Variants in TMOD2 observed in about 807,000 individuals in gnomAD.
TMOD2 encodes tropomodulin 2, also known as tropomodulin-2.
In TMOD2, 22 loss-of-function variants were observed where a neutral mutation model predicts 39.9. The observed-to-expected ratio is 0.55, with a 90% CI of 0.39 to 0.79. The LOEUF (loss-of-function observed/expected upper bound fraction) is 0.79. Ranked by LOEUF, TMOD2 falls within the 30% of genes least tolerant of loss-of-function variation. TMOD2 has a pLI of 0.00. For missense variants in TMOD2, 386 were observed against 413.3 expected (o/e 0.93, Z 0.57); for synonymous variants, 123 against 146.1 (o/e 0.84, Z 1.14).
chr15:51,769,907 C>G (rs1056062897), intron 3 of TMOD2, among the ~76,000 whole-genome samples: 1 of 151,922 alleles, frequency 6.6e-6, no homozygotes, highest in Non-Finnish European at 1.5e-5. Flanking sequence ...GATGGTGCAC[C>G]CGTGTTCCCA....
chr15:51,768,188 G>C (rs1244347059), intron 2 of TMOD2, 74 bp from the exon 3 acceptor site: 28 of 1,542,842 alleles, frequency 1.8e-5, no homozygotes, highest in Non-Finnish European at 2.3e-5. Context: ...CATAGTGAGT[G>C]GGGGTGGAAG....
chr15:51,795,569 GCTTGCTTGCTTTCTTTCTTTCTTTCTTT>G (rs869151859), intron 7 of TMOD2, among the ~76,000 whole-genome samples: 1,233 of 42,420 alleles, frequency 0.029, 43 homozygotes, highest in African/African-American at 0.11. Flanking sequence ...TCTTCTGCTT[GCTTGCTTGCTTTCTTTCTTTCTTTCTTT>G]CTTTCTTTCT....
intron 1 of TMOD2, among the ~76,000 whole-genome samples, chr15:51,757,230 C>T (rs1026912030): frequency 1.3e-5 from 2 of 151,890 alleles, no homozygotes; most frequent in Non-Finnish European, 2.9e-5. Context: ...GGTGAAACCC[C>T]GTCTCTACTA....
In TMOD2 at chr15:51,811,149, C is replaced by T. The variant is rs577834162; in HGVS notation, c.*2695C>T. ...ATATTGATGATAACCCTTAGAAAAA[C>T]ATACACTTGAGGAGCCTATCCATCA... On this transcript the variant is annotated 3_prime_UTR_variant, in exon 10 of 10. Coordinates refer to ENST00000249700, the MANE Select transcript of TMOD2 (RefSeq NM_014548.4). 5.3e-5 allele frequency: 8 copies of T among 152,202 alleles called. No individual in the cohort carries two copies. Among genetic ancestry groups the T allele is most frequent in the Admixed American group, 2.6e-4 (4 of 15,288 alleles). The allele number at this position is 152,202 out of a possible 1,614,324, so 9.4% of individuals were successfully genotyped here.
intron 1 of TMOD2, among the ~76,000 whole-genome samples, chr15:51,755,929 C>T (rs543154694): frequency 4.6e-5 from 7 of 151,892 alleles, no homozygotes; most frequent in Admixed American, 3.3e-4. Context: ...CGGTGCCAAT[C>T]AGGAAGTTAG....
At position 51,804,579 on chromosome 15, in the gene TMOD2, TG is replaced by T. The variant is rs1314329150; in HGVS notation, c.877-1797del. Among the ~76,000 whole-genome samples, 4 of 142,594 alleles carry T rather than the reference TG, an allele frequency of 2.8e-5. No homozygotes were observed. In the East Asian group the frequency reaches 5.9e-4, roughly 21 times the overall value. The allele number at this position is 142,594 out of a possible 152,430, so 93.5% of individuals were successfully genotyped here. On this transcript the variant is annotated intron_variant, in intron 8 of 9. Transcript: ENST00000249700. ...CGTTTTGTTTTGTTTTGTTTTGTTT[TG>T]TTTTTTTTTTTGAGATGGAGCCTAC...
chr15:51,764,294 G>A (rs530804196), intron 1 of TMOD2, among the ~76,000 whole-genome samples: 2 of 152,242 alleles, frequency 1.3e-5, no homozygotes, highest in South Asian at 4.2e-4. Flanking sequence ...TCCAGCCTGG[G>A]CAACAGAGGG....
chr15:51,773,320 TGGTTCCTC>T (rs1415422528), intron 3 of TMOD2, among the ~76,000 whole-genome samples: 4 of 152,208 alleles, frequency 2.6e-5, no homozygotes. Context: ...TTTGGCCTCA[TGGTTCCTC>T]CCCTGGAGGG....
At chr15:51,763,282 A>C (rs2055794192) in intron 1 of TMOD2, among the ~76,000 whole-genome samples, 1 of 152,174 alleles carries the variant, frequency 6.6e-6, no homozygotes, top group Non-Finnish European at 1.5e-5. Flanking sequence ...CATTGTTTTC[A>C]ATTTTTGGCA....
At chr15:51,806,812 T>A (rs1011515349) in intron 9 of TMOD2, among the ~76,000 whole-genome samples, 1 of 152,234 alleles carries the variant, frequency 6.6e-6, no homozygotes, top group Non-Finnish European at 1.5e-5. Context: ...TTACATGTAA[T>A]CTCCTTCTGT....
chr15:51,754,835 A>G (rs1188692899), intron 1 of TMOD2, among the ~76,000 whole-genome samples: 1 of 152,226 alleles, frequency 6.6e-6, no homozygotes, highest in Non-Finnish European at 1.5e-5. Flanking sequence ...GTGATATGTA[A>G]TGTTTCCCAA....
intron 2 of TMOD2, among the ~76,000 whole-genome samples, chr15:51,767,457 T>G (rs1056320973): frequency 1.3e-5 from 2 of 152,244 alleles, no homozygotes; most frequent in African/African-American, 4.8e-5. Context: ...CAATGGAGTT[T>G]CTAATGTTTT....
intron 1 of TMOD2, among the ~76,000 whole-genome samples, chr15:51,753,705 A>G (rs540700300): frequency 6.6e-6 from 1 of 151,182 alleles, no homozygotes; most frequent in East Asian, 1.9e-4. Context: ...TTCTTTGGAG[A>G]TGTGGATATT....
chr15:51,772,282 G>C (rs530261036), intron 3 of TMOD2, among the ~76,000 whole-genome samples: 1 of 152,286 alleles, frequency 6.6e-6, no homozygotes, highest in African/African-American at 2.4e-5. Context: ...CAATTTCAAA[G>C]ACTGTGCCCC....
chr15:51,810,672 C>CT lies in TMOD2; in HGVS notation c.*2222dup, dbSNP rs1450895397. The CT allele has an allele frequency of 6.6e-6, 1 of 151,466 alleles. No individual in the cohort carries two copies. The highest frequency in any genetic ancestry group is 2.4e-5 in the African/African-American group (1 of 41,244). 9.4% of individuals were successfully genotyped at this position (151,466 alleles called of 1,614,324 possible). A position where few individuals can be genotyped will look rare whatever the true frequency, so the allele number is the denominator to read the frequency against. On this transcript the variant is annotated 3_prime_UTR_variant, in exon 10 of 10. Transcript: ENST00000249700. ...AGGGAAGAACATTTCTCTTAGATGT[C>CT]TTTTCTCCTCTTTGGATTTGTTACA...
In TMOD2 at chr15:51,810,456, A is replaced by G. The variant is rs2056148910; in HGVS notation, c.*2002A>G. ...AACGTATCCTCTCAACTCCATGTTCACTACCTTCTTGTTACTACAGTGGCT... is the reference window on the plus strand; with the variant it reads ...AACGTATCCTCTCAACTCCATGTTCGCTACCTTCTTGTTACTACAGTGGCT... On this transcript the variant is annotated 3_prime_UTR_variant, in exon 10 of 10. Coordinates refer to ENST00000249700, the MANE Select transcript of TMOD2 (RefSeq NM_014548.4). 1 of 152,162 alleles carries G rather than the reference A, an allele frequency of 6.6e-6. No individual in the cohort carries two copies. Among genetic ancestry groups the G allele is most frequent in the African/African-American group, 2.4e-5 (1 of 41,440 alleles). 9.4% of individuals were successfully genotyped at this position (152,162 alleles called of 1,614,324 possible). A position where few individuals can be genotyped will look rare whatever the true frequency, so the allele number is the denominator to read the frequency against.
intron 7 of TMOD2, among the ~76,000 whole-genome samples, chr15:51,792,997 G>A (rs1025115365): frequency 2.0e-5 from 3 of 151,902 alleles, no homozygotes; most frequent in Non-Finnish European, 4.4e-5. Flanking sequence ...ATGTAACCCA[G>A]AACTTAAAGT....
At chr15:51,787,415 G>C (rs575070435) in intron 7 of TMOD2, among the ~76,000 whole-genome samples, 2 of 152,216 alleles carry the variant, frequency 1.3e-5, no homozygotes, top group Non-Finnish European at 2.9e-5. Context: ...TCCACCTCTG[G>C]GGGCAGGGCA....
chr15:51,782,981 A>G, intron 7 of TMOD2, 153 bp downstream of exon 7: 1 of 625,932 alleles, frequency 1.6e-6, no homozygotes, highest in Non-Finnish European at 2.8e-6. Flanking sequence ...CAATAGTTAA[A>G]CTTCAGAACT....
Sources: allele counts gnomAD v4.1 joint callset (sites outside exome capture counted in the v4.1 genomes callset), GRCh38; gene constraint gnomAD v4.1.1; transcripts MANE v1.5; gene names NCBI Gene and HGNC (gene_info 2026-07-23, HGNC 2026-07-21).